RBM10: variants seen among roughly 807,000 people sequenced by gnomAD.
RBM10 encodes RNA binding motif protein 10.
In RBM10, 1 loss-of-function variant was observed where a neutral mutation model predicts 84.9. That is an observed-to-expected ratio of 0.01 (90% CI 0.00 to 0.06). RBM10 has a LOEUF of 0.06. RBM10 is among the 10% of genes least tolerant of loss of function. The pLI is 1.00. For synonymous variants in RBM10, 326 were observed against 344.5 expected (o/e 0.95, Z 0.60); for missense variants, 438 against 839.0 (o/e 0.52, Z 5.90).
Position 47,185,215 on chromosome X carries a change from G to A in RBM10, c.2100+11G>A. 1.6e-6 allele frequency: 2 copies of A among 1,212,463 alleles called. No homozygotes were observed. Reference sequence around the variant, plus strand: ...ATCCTCGAGAAGAAGGTGTGTTGGGGCCACCCCCCTGCACCCTGCCCCACA... The same window carrying A: ...ATCCTCGAGAAGAAGGTGTGTTGGGACCACCCCCCTGCACCCTGCCCCACA... On this transcript the variant is annotated intron_variant, in intron 18 of 23. Transcript: ENST00000377604.
At chrX:47,175,793 G>A (rs975973733) in intron 6 of RBM10, among the ~76,000 whole-genome samples, 2 of 110,541 alleles carry the variant, frequency 1.8e-5, no homozygotes, top group Non-Finnish European at 3.8e-5. Context: ...AGCCTGGCAC[G>A]GGATCCCAAC....
chrX:47,159,912 C>T lies in RBM10; in HGVS notation c.18-9403C>T, dbSNP rs373089126. On this transcript the variant is annotated intron_variant, in intron 2 of 23. Transcript: ENST00000377604. Reference sequence around the variant, plus strand: ...CAGCACTTTGGGAGGCCGAGGCAGGCGGATCACCTGAGGTCGAGAGTTCGA... The same window carrying T: ...CAGCACTTTGGGAGGCCGAGGCAGGTGGATCACCTGAGGTCGAGAGTTCGA... Among the ~76,000 whole-genome samples, 61 of 111,623 alleles carry T rather than the reference C, an allele frequency of 5.5e-4. No homozygotes were observed. In the East Asian group the frequency reaches 0.012, roughly 23 times the overall value.
intron 19 of RBM10, 28 bp downstream of exon 19, chrX:47,185,395 G>A (rs201371248): frequency 2.5e-6 from 3 of 1,182,681 alleles, no homozygotes; most frequent in Non-Finnish European, 3.4e-6. Flanking sequence ...AGAGGGGCGG[G>A]GGCTCTGATC....
In RBM10 at chrX:47,153,788, C is replaced by T. The variant is rs782005933; in HGVS notation, c.17+6290C>T. 3.6e-5 allele frequency among the ~76,000 whole-genome samples: 4 copies of T among 111,853 alleles called. No individual in the cohort carries two copies. In the East Asian group the frequency reaches 1.1e-3, roughly 31 times the overall value. ...ACCTCGAAAAACTTGGTAGGACTCA[C>T]CTTTAAAAGCATCTGGAGGCTGGGC... On this transcript the variant is annotated intron_variant, in intron 2 of 23. Coordinates refer to ENST00000377604, the MANE Select transcript of RBM10 (RefSeq NM_005676.5).
intron 2 of RBM10, among the ~76,000 whole-genome samples, chrX:47,159,927 C>T (rs1314009784): frequency 1.8e-5 from 2 of 111,531 alleles, no homozygotes; most frequent in Non-Finnish European, 1.9e-5. Context: ...CACCTGAGGT[C>T]GAGAGTTCGA....
intron 2 of RBM10, among the ~76,000 whole-genome samples, chrX:47,162,608 G>T (rs1556767078): frequency 9.0e-6 from 1 of 111,250 alleles, no homozygotes; most frequent in Non-Finnish European, 1.9e-5. Flanking sequence ...GGGTGTGGTG[G>T]CTCACGCCTG....
chrX:47,164,521 CA>C (rs201448853), intron 2 of RBM10, among the ~76,000 whole-genome samples: 1,133 of 69,196 alleles, frequency 0.016, 13 homozygotes, highest in Middle Eastern at 0.059. Flanking sequence ...TACTCCATCT[CA>C]AAAAAAAAAA....
chrX:47,164,600 A>G (rs1315263708), intron 2 of RBM10, among the ~76,000 whole-genome samples: 1 of 111,792 alleles, frequency 8.9e-6, no homozygotes, highest in Non-Finnish European at 1.9e-5. Flanking sequence ...CAGTAAGCAC[A>G]TGAAAAGATG....
chrX:47,159,620 A>C (rs1297704885), intron 2 of RBM10, among the ~76,000 whole-genome samples: 1 of 111,339 alleles, frequency 9.0e-6, no homozygotes, highest in African/African-American at 3.3e-5. Context: ...GTCCTGGTGC[A>C]AAAACAGACA....
At chrX:47,155,784 C>T (rs1933080397) in intron 2 of RBM10, among the ~76,000 whole-genome samples, 1 of 104,338 alleles carries the variant, frequency 9.6e-6, no homozygotes, top group African/African-American at 3.5e-5. Context: ...TACCCATCCA[C>T]TAGATTCTTT....
chrX:47,145,636 G>GGT (rs1932084180), intron 1 of RBM10, 151 bp downstream of exon 1: 7 of 52,595 alleles, frequency 1.3e-4, no homozygotes, highest in African/African-American at 7.7e-4. Flanking sequence ...TTTTTTTTTG[G>GGT]TTTTTTTTTT....
At chrX:47,175,170 T>G in intron 6 of RBM10, 78 bp downstream of exon 6, 1 of 755,175 alleles carries the variant, frequency 1.3e-6, no homozygotes. Context: ...CTGATTCTTA[T>G]GGACACAGTT....
At chrX:47,169,160 T>G (rs377353559) in intron 2 of RBM10, among the ~76,000 whole-genome samples, 155 bp from the exon 3 acceptor site, 4 of 111,823 alleles carry the variant, frequency 3.6e-5, no homozygotes, top group African/African-American at 1.3e-4. Context: ...TGGTATCATG[T>G]ACTTCTTTCT....
intron 9 of RBM10, 63 bp from the exon 10 acceptor site, chrX:47,179,817 A>T: frequency 8.8e-7 from 1 of 1,137,350 alleles, no homozygotes; most frequent in East Asian, 3.2e-5. Context: ...CAGTGGGGGC[A>T]TTGAAGGGCA....
chrX:47,182,363 G>C (rs1556780345), intron 17 of RBM10, 37 bp downstream of exon 17: 1 of 1,184,652 alleles, frequency 8.4e-7, no homozygotes, highest in Admixed American at 2.4e-5. Context: ...GGCTGGCTGT[G>C]TGGTGTCTTC....
chrX:47,186,649 G>A lies in RBM10; in HGVS notation c.*50G>A. 8.3e-7 allele frequency: 1 copy of A among 1,201,589 alleles called. No individual in the cohort carries two copies. The highest frequency in any genetic ancestry group is 1.1e-6 in the Non-Finnish European group (1 of 887,364). On this transcript the variant is annotated 3_prime_UTR_variant, in exon 24 of 24. Transcript: ENST00000377604. ...CATGTTGGGTGTCCATCCTGGGGCA[G>A]GGAAGGACAGAGTGTTGGATGGCTG...
chrX:47,159,962 AC>A (rs1467569569), intron 2 of RBM10, among the ~76,000 whole-genome samples: 1 of 111,453 alleles, frequency 9.0e-6, no homozygotes, highest in African/African-American at 3.3e-5. Flanking sequence ...ACATGGAGAA[AC>A]CCCATCTCTA....
Position 47,180,194 on chromosome X carries a change from C to T in RBM10, c.1063-18C>T, listed in dbSNP as rs1556778310. On this transcript the variant is annotated intron_variant, in intron 10 of 23. Coordinates refer to ENST00000377604, the MANE Select transcript of RBM10 (RefSeq NM_005676.5). ...CCCGGGCCTGACCCTTCTGTCCCTG[C>T]CTCCCCTCCTCCCACAGGAGGCAGC... 8.4e-7 allele frequency: 1 copy of T among 1,185,663 alleles called. No homozygotes were observed. The highest frequency in any genetic ancestry group is 1.1e-6 in the Non-Finnish European group (1 of 877,791).
At chrX:47,146,090 G>A (rs1401875586) in intron 1 of RBM10, among the ~76,000 whole-genome samples, 2 of 110,285 alleles carry the variant, frequency 1.8e-5, no homozygotes, top group Non-Finnish European at 3.8e-5. Context: ...TTCTTTTGGG[G>A]AGTTTGTATC....
Sources: allele counts gnomAD v4.1 joint callset (sites outside exome capture counted in the v4.1 genomes callset), GRCh38; gene constraint gnomAD v4.1.1; transcripts MANE v1.5; gene names NCBI Gene and HGNC (gene_info 2026-07-23, HGNC 2026-07-21).